Variants in FHIT observed in about 807,000 individuals in gnomAD.
FHIT encodes the protein bis(5'-adenosyl)-triphosphatase.
A neutral mutation model predicts 17.9 loss-of-function variants in FHIT; 19 were observed. That is an observed-to-expected ratio of 1.06 (90% CI 0.74 to 1.56). The LOEUF (loss-of-function observed/expected upper bound fraction) is 1.56, where lower values mean the gene tolerates loss of function less well. Ranked by LOEUF, FHIT falls within the 40% of genes most tolerant of loss-of-function variation. The pLI, the probability that FHIT is intolerant of heterozygous loss-of-function variation, is 0.00. For missense variants in FHIT, 248 were observed against 189.2 expected (o/e 1.31, Z -1.82); for synonymous variants, 81 against 69.7 (o/e 1.16, Z -0.81).
intron 8 of FHIT, among the ~76,000 whole-genome samples, chr3:59,769,651 C>T (rs1701976661): frequency 1.3e-5 from 2 of 152,054 alleles, no homozygotes; most frequent in Admixed American, 1.3e-4. Context: ...GATACCATAG[C>T]AGTACACACG....
At chr3:59,835,636 T>C (rs943416581) in intron 8 of FHIT, among the ~76,000 whole-genome samples, 1 of 152,114 alleles carries the variant, frequency 6.6e-6, no homozygotes, top group Non-Finnish European at 1.5e-5. Context: ...ATTAAAGACA[T>C]TACTCTCAAT....
intron 5 of FHIT, among the ~76,000 whole-genome samples, chr3:60,186,312 CT>C (rs1257053179): frequency 1.3e-5 from 2 of 151,990 alleles, no homozygotes; most frequent in African/African-American, 4.8e-5. Flanking sequence ...TATGCAAGGT[CT>C]TTGCTTAAGT....
chr3:60,249,176 G>A (rs1705556816), intron 5 of FHIT, among the ~76,000 whole-genome samples: 1 of 152,060 alleles, frequency 6.6e-6, no homozygotes, highest in Admixed American at 6.6e-5. Flanking sequence ...ACTCTAACAA[G>A]GCAGGGGTAG....
At chr3:61,018,078 G>A in intron 3 of FHIT, among the ~76,000 whole-genome samples, 1 of 152,138 alleles carries the variant, frequency 6.6e-6, no homozygotes, top group East Asian at 1.9e-4. Context: ...TACTATATAT[G>A]CATGATCTAA....
At chr3:60,190,016 G>A (rs1480124935) in intron 5 of FHIT, among the ~76,000 whole-genome samples, 1 of 152,186 alleles carries the variant, frequency 6.6e-6, no homozygotes, top group Non-Finnish European at 1.5e-5. Flanking sequence ...AGTTAATGAT[G>A]ACTTCCATTC....
chr3:60,808,330 T>A (rs1553735042), intron 4 of FHIT, among the ~76,000 whole-genome samples: 1 of 152,192 alleles, frequency 6.6e-6, no homozygotes, highest in Non-Finnish European at 1.5e-5. Flanking sequence ...TTTTGAAGGT[T>A]CATTATGCAT....
At chr3:61,116,980 T>A (rs957358280) in intron 2 of FHIT, among the ~76,000 whole-genome samples, 2 of 152,158 alleles carry the variant, frequency 1.3e-5, no homozygotes, top group Non-Finnish European at 2.9e-5. Flanking sequence ...GAGTGATGAA[T>A]CATAATATCA....
At chr3:60,721,744 A>G (rs1157391688) in intron 4 of FHIT, among the ~76,000 whole-genome samples, 3 of 152,202 alleles carry the variant, frequency 2.0e-5, no homozygotes, top group Non-Finnish European at 2.9e-5. Context: ...CAATTTTACA[A>G]TAAGTGGTTC....
chr3:61,194,472 TA>T (rs147185798), intron 2 of FHIT, among the ~76,000 whole-genome samples: 13 of 151,696 alleles, frequency 8.6e-5, no homozygotes, highest in Admixed American at 4.6e-4. Flanking sequence ...CCTGCTACCT[TA>T]AAAAAAAGGA....
At chr3:60,459,595 T>G (rs775123726) in intron 5 of FHIT, among the ~76,000 whole-genome samples, 1 of 152,222 alleles carries the variant, frequency 6.6e-6, no homozygotes, top group Non-Finnish European at 1.5e-5. Context: ...CATTTTGCTT[T>G]TTAACCAGAT....
At chr3:59,754,176 C>T (rs1447861982) in intron 8 of FHIT, among the ~76,000 whole-genome samples, 5 of 150,716 alleles carry the variant, frequency 3.3e-5, no homozygotes, top group Admixed American at 1.3e-4. Context: ...ACCATAGCCT[C>T]GCACTCCCGC....
At position 60,690,125 on chromosome 3, in the gene FHIT, A is replaced by T. The variant is rs7636177; in HGVS notation, c.-18+131794T>A. 3,241 of 353,684 alleles carry T rather than the reference A, an allele frequency of 9.2e-3. 124 individuals are homozygous for T. Among genetic ancestry groups the T allele is most frequent in the African/African-American group, 0.063 (2,961 of 47,044 alleles). The allele number at this position is 353,684 out of a possible 1,614,324, so 21.9% of individuals were successfully genotyped here. ...CCAAAGGGAACTGCAGTGAAAGCAC[A>T]AAGATTCTAGGATACTGCGAGCAAA... On this transcript the variant is annotated intron_variant, in intron 4 of 9. Coordinates refer to ENST00000492590, the MANE Select transcript of FHIT (RefSeq NM_002012.4).
chr3:61,177,985 T>C (rs1484362318), intron 2 of FHIT, among the ~76,000 whole-genome samples: 1 of 152,200 alleles, frequency 6.6e-6, no homozygotes, highest in Admixed American at 6.5e-5. Context: ...CTATCAGTGA[T>C]GCATCCCATT....
intron 5 of FHIT, among the ~76,000 whole-genome samples, chr3:60,118,414 T>C (rs1437392421): frequency 1.3e-5 from 2 of 152,068 alleles, no homozygotes; most frequent in Non-Finnish European, 2.9e-5. Context: ...GGCCCTGTTT[T>C]AATTTTTTAA....
At chr3:60,427,160 C>T (rs1391094874) in intron 5 of FHIT, among the ~76,000 whole-genome samples, 2 of 152,044 alleles carry the variant, frequency 1.3e-5, no homozygotes, top group East Asian at 3.9e-4. Context: ...AATTCTACTG[C>T]TGGCCATGAA....
chr3:60,174,552 G>C (rs145689482), intron 5 of FHIT, among the ~76,000 whole-genome samples: 2 of 151,698 alleles, frequency 1.3e-5, no homozygotes, highest in East Asian at 3.9e-4. Context: ...GAAGTTCAGA[G>C]AGAAAATATA....
chr3:60,065,133 A>T (rs1398378410), intron 5 of FHIT, among the ~76,000 whole-genome samples: 1 of 152,218 alleles, frequency 6.6e-6, no homozygotes, highest in Non-Finnish European at 1.5e-5. Context: ...AAGACCTTCC[A>T]GACCAAAACT....
At chr3:60,075,835 C>G (rs912219350) in intron 5 of FHIT, among the ~76,000 whole-genome samples, 1 of 152,034 alleles carries the variant, frequency 6.6e-6, no homozygotes, top group Non-Finnish European at 1.5e-5. Flanking sequence ...AGTTTATGCC[C>G]TCCCCTGTGA....
chr3:60,291,146 G>A (rs138313808), intron 5 of FHIT, among the ~76,000 whole-genome samples: 1 of 152,220 alleles, frequency 6.6e-6, no homozygotes, highest in African/African-American at 2.4e-5. Context: ...AGTTTAATAG[G>A]CCAAAGAAAG....
Sources: gnomAD v4.1 joint callset for allele counts (sites outside exome capture counted in the v4.1 genomes callset) on GRCh38, gnomAD v4.1.1 for gene constraint, MANE v1.5 for transcripts, NCBI Gene and HGNC (gene_info 2026-07-23, HGNC 2026-07-21) for gene names.